Variants in PMS1 observed in about 807,000 individuals in gnomAD.
PMS1 encodes PMS1 homolog 1, mismatch repair system component, also known as PMS1 protein homolog 1.
Under a neutral mutation model 93.1 loss-of-function variants are expected in PMS1, and 79 were observed. That is an observed-to-expected ratio of 0.85 (90% CI 0.71 to 1.02). The LOEUF (loss-of-function observed/expected upper bound fraction) is 1.02. PMS1 is among the 50% of genes least tolerant of loss of function. PMS1 has a pLI of 0.00. For synonymous variants in PMS1, 335 were observed against 363.4 expected (o/e 0.92, Z 0.89); for missense variants, 1,064 against 1,085.3 (o/e 0.98, Z 0.28).
intron 5 of PMS1, among the ~76,000 whole-genome samples, chr2:189,837,017 A>G (rs2053436332): frequency 1.3e-5 from 2 of 152,232 alleles, no homozygotes; most frequent in Non-Finnish European, 2.9e-5. Flanking sequence ...CATTAGTAAC[A>G]CTGCAGGCTT....
chr2:189,799,134 G>T (rs1410403751), intron 3 of PMS1, among the ~76,000 whole-genome samples: 1 of 152,096 alleles, frequency 6.6e-6, no homozygotes, highest in Non-Finnish European at 1.5e-5. Flanking sequence ...CACTCAAGTG[G>T]CCTTGAGTAT....
intron 3 of PMS1, among the ~76,000 whole-genome samples, chr2:189,797,532 A>G (rs1475586641): frequency 1.3e-5 from 2 of 152,164 alleles, no homozygotes. Context: ...GTGTGACAGT[A>G]TCTATGTGCC....
chr2:189,792,435 G>T lies in PMS1; in HGVS notation c.132+494G>T, dbSNP rs140874414. Among the ~76,000 whole-genome samples, 13 of 151,618 alleles carry T rather than the reference G, an allele frequency of 8.6e-5. 1 individual carries two copies. The East Asian group carries it at 2.5e-3, about 29-fold the overall frequency. ...CTAAATTGCTAACACATAGAGATAT[G>T]GTCTATTTTATTCATTTTTGTGTCC... On this transcript the variant is annotated intron_variant, in intron 2 of 12. Coordinates refer to ENST00000441310, the MANE Select transcript of PMS1 (RefSeq NM_000534.5).
intron 5 of PMS1, among the ~76,000 whole-genome samples, chr2:189,825,623 A>G (rs1164036277): frequency 6.6e-6 from 1 of 152,204 alleles, no homozygotes; most frequent in East Asian, 1.9e-4. Flanking sequence ...CTTTTCCAAA[A>G]ATATTATTTG....
chr2:189,857,890 A>G (rs1183245737), intron 9 of PMS1, among the ~76,000 whole-genome samples: 2 of 152,122 alleles, frequency 1.3e-5, no homozygotes, highest in Non-Finnish European at 2.9e-5. Context: ...GAAGGATTTT[A>G]GGGAATTGTG....
intron 4 of PMS1, among the ~76,000 whole-genome samples, chr2:189,815,883 T>C (rs942574933): frequency 6.6e-6 from 1 of 152,224 alleles, no homozygotes; most frequent in African/African-American, 2.4e-5. Flanking sequence ...ATTTATTTTC[T>C]CATCTTGTTG....
At chr2:189,831,108 A>T (rs752229249) in intron 5 of PMS1, among the ~76,000 whole-genome samples, 1 of 152,242 alleles carries the variant, frequency 6.6e-6, no homozygotes, top group African/African-American at 2.4e-5. Flanking sequence ...CTAAGTAGAG[A>T]TAGAGAAATA....
At chr2:189,818,459 A>G (rs534065986) in intron 5 of PMS1, among the ~76,000 whole-genome samples, 1 of 152,304 alleles carries the variant, frequency 6.6e-6, no homozygotes, top group African/African-American at 2.4e-5. Flanking sequence ...TATGAACCAG[A>G]AAGTGGGACC....
At chr2:189,787,577 G>A (rs2048473267) in intron 1 of PMS1, among the ~76,000 whole-genome samples, 2 of 147,148 alleles carry the variant, frequency 1.4e-5, no homozygotes, top group South Asian at 2.2e-4. Context: ...ATCCAAATAC[G>A]TAATTAAGAT....
intron 11 of PMS1, among the ~76,000 whole-genome samples, chr2:189,870,240 T>C (rs2057030673): frequency 6.6e-6 from 1 of 152,200 alleles, no homozygotes; most frequent in South Asian, 2.1e-4. Context: ...TAACTTTGAA[T>C]CAACAGTTTG....
chr2:189,843,536 G>T (rs964406222), intron 5 of PMS1, among the ~76,000 whole-genome samples: 1 of 152,154 alleles, frequency 6.6e-6, no homozygotes, highest in African/African-American at 2.4e-5. Context: ...ATCATCCTCA[G>T]TAAAACAGTA....
At chr2:189,874,063 T>G (rs2057365394) in intron 12 of PMS1, among the ~76,000 whole-genome samples, 1 of 152,054 alleles carries the variant, frequency 6.6e-6, no homozygotes, top group Admixed American at 6.6e-5. Context: ...TAGAATATTA[T>G]CTGTAAGTTT....
At chr2:189,809,938 T>C (rs1387758717) in intron 4 of PMS1, among the ~76,000 whole-genome samples, 1 of 152,226 alleles carries the variant, frequency 6.6e-6, no homozygotes, top group Non-Finnish European at 1.5e-5. Context: ...GATACATATA[T>C]TTAAAAATCA....
At chr2:189,840,593 A>G (rs1448768162) in intron 5 of PMS1, among the ~76,000 whole-genome samples, 1 of 152,210 alleles carries the variant, frequency 6.6e-6, no homozygotes, top group South Asian at 2.1e-4. Flanking sequence ...ATGGAGAAAT[A>G]CCTGAATTAT....
At chr2:189,814,871 G>C (rs2051141102) in intron 4 of PMS1, among the ~76,000 whole-genome samples, 1 of 152,142 alleles carries the variant, frequency 6.6e-6, no homozygotes, top group Non-Finnish European at 1.5e-5. Context: ...GCCAAGGTGG[G>C]CAGATCACGA....
intron 4 of PMS1, among the ~76,000 whole-genome samples, chr2:189,811,766 C>T (rs996220109): frequency 1.3e-5 from 2 of 152,022 alleles, no homozygotes; most frequent in Non-Finnish European, 2.9e-5. Flanking sequence ...TTACCGAAAA[C>T]CAGTAATGTG....
intron 7 of PMS1, among the ~76,000 whole-genome samples, chr2:189,852,988 A>C (rs1431001535): frequency 6.6e-6 from 1 of 152,200 alleles, no homozygotes; most frequent in Admixed American, 6.5e-5. Flanking sequence ...GTGAGGAAAC[A>C]AATGTTCAAT....
intron 4 of PMS1, among the ~76,000 whole-genome samples, chr2:189,811,353 C>T (rs1030517765): frequency 6.0e-5 from 9 of 150,918 alleles, no homozygotes; most frequent in Non-Finnish European, 1.5e-5. Context: ...TTTGGGAGGC[C>T]AAGGTGGGCA....
intron 3 of PMS1, among the ~76,000 whole-genome samples, chr2:189,796,836 T>C (rs1485234444): frequency 6.6e-6 from 1 of 152,002 alleles, no homozygotes; most frequent in Non-Finnish European, 1.5e-5. Context: ...TCTGTGAACA[T>C]TGGTGTACAA....
Sources: allele counts gnomAD v4.1 joint callset (sites outside exome capture counted in the v4.1 genomes callset), GRCh38; gene constraint gnomAD v4.1.1; transcripts MANE v1.5; gene names NCBI Gene and HGNC (gene_info 2026-07-23, HGNC 2026-07-21).